Variants in PTPRG observed in about 807,000 individuals in gnomAD.
PTPRG encodes the protein protein tyrosine phosphatase receptor type G.
PTPRG carries 102 observed loss-of-function variants against 165.3 expected under a neutral mutation model. The ratio of observed to expected loss-of-function variants is 0.62; its 90% confidence interval spans 0.53 to 0.73. The LOEUF is 0.73. Ranked by LOEUF, PTPRG falls within the 30% of genes least tolerant of loss-of-function variation. PTPRG has a pLI of 0.00. For synonymous variants in PTPRG, 675 were observed against 669.5 expected (o/e 1.01, Z -0.13); for missense variants, 1,866 against 1,861.4 (o/e 1.00, Z -0.05).
chr3:61,723,122 T>C (rs1435001225), intron 1 of PTPRG, among the ~76,000 whole-genome samples: 1 of 152,210 alleles, frequency 6.6e-6, no homozygotes, highest in Non-Finnish European at 1.5e-5. Flanking sequence ...ATGTCTTTGT[T>C]GTAGAATTCA....
At chr3:61,589,211 C>G (rs1308708287) in intron 1 of PTPRG, among the ~76,000 whole-genome samples, 1 of 152,096 alleles carries the variant, frequency 6.6e-6, no homozygotes, top group Non-Finnish European at 1.5e-5. Flanking sequence ...ATAGCCGTAT[C>G]TGTTTTTTTA....
Position 61,593,881 on chromosome 3 carries a change from A to C in PTPRG, c.85+31509A>C, listed in dbSNP as rs1282506761. ...CTTTCAACCTTGAAGGCAATTGGAA[A>C]GATACACAGATCTGTGTATTATCAC... On this transcript the variant is annotated intron_variant, in intron 1 of 29. Transcript: ENST00000474889. Among the ~76,000 whole-genome samples, 5 of 152,162 alleles carry C rather than the reference A, an allele frequency of 3.3e-5. No homozygotes were observed. The East Asian group carries it at 9.6e-4, about 29-fold the overall frequency.
chr3:62,135,835 C>A (rs980774840), intron 6 of PTPRG, among the ~76,000 whole-genome samples: 2 of 152,160 alleles, frequency 1.3e-5, no homozygotes, highest in African/African-American at 4.8e-5. Context: ...GTAAGGAAGT[C>A]TTTGCCAAGC....
chr3:61,808,903 C>A (rs1409017764), intron 2 of PTPRG, among the ~76,000 whole-genome samples: 1 of 151,220 alleles, frequency 6.6e-6, no homozygotes, highest in East Asian at 1.9e-4. Flanking sequence ...TTGATAAAAA[C>A]TGAGGTGTAG....
At chr3:61,583,806 A>T (rs1700365183) in intron 1 of PTPRG, among the ~76,000 whole-genome samples, 1 of 152,136 alleles carries the variant, frequency 6.6e-6, no homozygotes, top group South Asian at 2.1e-4. Flanking sequence ...TTGCCCTTTC[A>T]AAGCTGGATT....
chr3:62,201,439 A>G (rs777753462), intron 10 of PTPRG, 66 bp from the exon 11 acceptor site: 3 of 1,240,896 alleles, frequency 2.4e-6, no homozygotes, highest in Non-Finnish European at 3.4e-6. Context: ...TTGTGTTCAT[A>G]AGGAATATCT....
Position 61,899,718 on chromosome 3 carries a change from GC to G in PTPRG, c.191-89906del, listed in dbSNP as rs199510091. ...GGATTCCAATTCAGTAGATTTGGGG[GC>G]AGGGGGACAGGCATCTGTATATAGT... On this transcript the variant is annotated intron_variant, in intron 2 of 29. Transcript: ENST00000474889. 3.3e-3 allele frequency among the ~76,000 whole-genome samples: 510 copies of G among 152,266 alleles called. 1 individual carries two copies. Among genetic ancestry groups the G allele is most frequent in the African/African-American group, 0.012 (481 of 41,542 alleles).
chr3:61,642,034 C>G (rs998199034), intron 1 of PTPRG, among the ~76,000 whole-genome samples: 1 of 152,136 alleles, frequency 6.6e-6, no homozygotes, highest in African/African-American at 2.4e-5. Flanking sequence ...CCCGCAAGGC[C>G]GCTGCAGGGC....
intron 28 of PTPRG, among the ~76,000 whole-genome samples, chr3:62,288,190 T>TA (rs1480898937): frequency 7.1e-6 from 1 of 141,772 alleles, no homozygotes; most frequent in East Asian, 2.0e-4. Flanking sequence ...TTAGAAAGGT[T>TA]AAAAATAAAC....
intron 2 of PTPRG, among the ~76,000 whole-genome samples, chr3:61,960,334 A>G (rs755680654): frequency 1.3e-5 from 2 of 151,972 alleles, no homozygotes; most frequent in Non-Finnish European, 2.9e-5. Context: ...TCTTCTTGAA[A>G]TGACTGAAAC....
At position 61,738,303 on chromosome 3, in the gene PTPRG, TATATATATAC is replaced by T. The variant is rs1559583363; in HGVS notation, c.86-10565_86-10556del. ...ACATATATATATATATATATATATATATATATATACATATATATATATATATATATATATG... is the reference window on the plus strand; with the variant it reads ...ACATATATATATATATATATATATATATATATATATATATATATATATATG... On this transcript the variant is annotated intron_variant, in intron 1 of 29. Transcript: ENST00000474889. Among the ~76,000 whole-genome samples the T allele has an allele frequency of 6.6e-3, 577 of 87,116 alleles. 42 individuals are homozygous for T. Among genetic ancestry groups the T allele is most frequent in the African/African-American group, 0.021 (516 of 24,920 alleles). 57.2% of individuals were successfully genotyped at this position (87,116 alleles called of 152,430 possible). A position where few individuals can be genotyped will look rare whatever the true frequency, so the allele number is the denominator to read the frequency against.
chr3:62,128,958 C>G (rs913645488), intron 5 of PTPRG, among the ~76,000 whole-genome samples: 19 of 151,922 alleles, frequency 1.3e-4, no homozygotes, highest in Middle Eastern at 3.2e-3. Flanking sequence ...CTTTTGGAAC[C>G]AAGACATAGA....
At chr3:62,125,325 T>C (rs1703248902) in intron 5 of PTPRG, among the ~76,000 whole-genome samples, 1 of 152,222 alleles carries the variant, frequency 6.6e-6, no homozygotes, top group African/African-American at 2.4e-5. Context: ...TTTTTCATGC[T>C]GCATGCATGA....
intron 1 of PTPRG, among the ~76,000 whole-genome samples, chr3:61,652,262 G>A (rs182295797): frequency 8.6e-5 from 13 of 151,824 alleles, no homozygotes; most frequent in Non-Finnish European, 1.5e-4. Flanking sequence ...AGCCCAGATC[G>A]CCACTGCACT....
chr3:61,633,198 G>T (rs1290392111), intron 1 of PTPRG, among the ~76,000 whole-genome samples: 3 of 152,180 alleles, frequency 2.0e-5, no homozygotes, highest in African/African-American at 7.2e-5. Context: ...TTGTTCATTT[G>T]TATGTTGTCT....
intron 2 of PTPRG, among the ~76,000 whole-genome samples, chr3:61,901,403 A>G (rs537149453): frequency 2.0e-5 from 3 of 152,282 alleles, no homozygotes; most frequent in Non-Finnish European, 4.4e-5. Flanking sequence ...ACTCTTAATT[A>G]ATGTTTCTAT....
rs1413080911 is a variant in PTPRG, at chr3:61,996,577, C to T, written c.371-6772C>T. Among the ~76,000 whole-genome samples, 7 of 152,220 alleles carry T rather than the reference C, an allele frequency of 4.6e-5. No individual in the cohort carries two copies. The South Asian group carries it at 6.2e-4, about 14-fold the overall frequency. On this transcript the variant is annotated intron_variant, in intron 3 of 29. Coordinates refer to ENST00000474889, the MANE Select transcript of PTPRG (RefSeq NM_002841.4). The stretch of plus-strand genomic sequence containing the variant: ...GGCCCTTGGCATTGTTTATATTGGG[C>T]GTGTCTAATATAAACAGTGTCTTTG...
At chr3:62,253,636 T>C (rs1398093283) in intron 15 of PTPRG, among the ~76,000 whole-genome samples, 1 of 152,232 alleles carries the variant, frequency 6.6e-6, no homozygotes, top group Non-Finnish European at 1.5e-5. Flanking sequence ...TCTTGAACTG[T>C]GCATTCTGCT....
intron 2 of PTPRG, among the ~76,000 whole-genome samples, chr3:61,965,244 CAA>C (rs57335330): frequency 3.7e-5 from 5 of 134,800 alleles, no homozygotes; most frequent in Non-Finnish European, 1.6e-5. Flanking sequence ...AACTCTGTCT[CAA>C]AAAAAAAAAA....
Sources: allele counts gnomAD v4.1 joint callset (sites outside exome capture counted in the v4.1 genomes callset), GRCh38; gene constraint gnomAD v4.1.1; transcripts MANE v1.5; gene names NCBI Gene and HGNC (gene_info 2026-07-23, HGNC 2026-07-21).